PHTF1: variants seen among roughly 807,000 people sequenced by gnomAD.
PHTF1 encodes putative homeodomain transcription factor 1.
Under a neutral mutation model 102.4 loss-of-function variants are expected in PHTF1, and 88 were observed. The ratio of observed to expected loss-of-function variants is 0.86; its 90% CI spans 0.72 to 1.03. The LOEUF (loss-of-function observed/expected upper bound fraction) is 1.03. Ranked by LOEUF, PHTF1 falls within the 50% of genes least tolerant of loss-of-function variation. PHTF1 has a pLI of 0.00. For missense variants in PHTF1, 814 were observed against 909.5 expected (o/e 0.89, Z 1.35); for synonymous variants, 289 against 305.2 (o/e 0.95, Z 0.55).
intron 7 of PHTF1, among the ~76,000 whole-genome samples, chr1:113,721,523 G>A (rs1180626936): frequency 6.6e-6 from 1 of 152,104 alleles, no homozygotes; most frequent in East Asian, 1.9e-4. Context: ...TCAGACAAGA[G>A]ACAGAAATGA....
intron 3 of PHTF1, among the ~76,000 whole-genome samples, chr1:113,748,888 T>C (rs891475549): frequency 6.6e-6 from 1 of 152,210 alleles, no homozygotes; most frequent in Non-Finnish European, 1.5e-5. Flanking sequence ...TTCTAATCTA[T>C]AGTCTATTTT....
chr1:113,740,770 C>T (rs1360088760), intron 3 of PHTF1, among the ~76,000 whole-genome samples: 1 of 152,148 alleles, frequency 6.6e-6, no homozygotes, highest in Non-Finnish European at 1.5e-5. Context: ...TGGCTCACCC[C>T]TATAATCCCA....
intron 7 of PHTF1, chr1:113,714,793 C>G (rs866475995): frequency 6.6e-6 from 1 of 152,334 alleles, no homozygotes; most frequent in African/African-American, 2.4e-5. Flanking sequence ...GGTAGACAGG[C>G]AAGTGGTCAC....
At chr1:113,754,147 A>C (rs1403415606) in intron 3 of PHTF1, among the ~76,000 whole-genome samples, 1 of 152,202 alleles carries the variant, frequency 6.6e-6, no homozygotes, top group Non-Finnish European at 1.5e-5. Flanking sequence ...AGAGCGTCTC[A>C]TGCCTATAAT....
chr1:113,701,187 CAAATA>C (rs1241265043), intron 15 of PHTF1, among the ~76,000 whole-genome samples: 2 of 152,204 alleles, frequency 1.3e-5, no homozygotes, highest in Admixed American at 1.3e-4. Flanking sequence ...GAAAATACCA[CAAATA>C]AAATAAGACA....
At chr1:113,742,169 C>G (rs183297432) in intron 3 of PHTF1, among the ~76,000 whole-genome samples, 69 of 152,282 alleles carry the variant, frequency 4.5e-4, no homozygotes, top group African/African-American at 1.6e-3. Flanking sequence ...CGTAGTCACA[C>G]AAATCTTGAT....
At chr1:113,757,609 T>C in intron 3 of PHTF1, 90 bp downstream of exon 3, 1 of 809,120 alleles carries the variant, frequency 1.2e-6, no homozygotes, top group East Asian at 2.5e-5. Context: ...GCCATACTGG[T>C]AGTTAAATGC....
intron 5 of PHTF1, among the ~76,000 whole-genome samples, chr1:113,731,004 C>T (rs957350608): frequency 1.3e-5 from 2 of 151,880 alleles, no homozygotes; most frequent in Non-Finnish European, 2.9e-5. Flanking sequence ...TTGCCAGGGA[C>T]GATGGGTAGG....
In PHTF1 at chr1:113,738,762, T is replaced by A; in HGVS notation, c.140A>T (p.Lys47Met). The A allele has an allele frequency of 6.2e-7, 1 of 1,605,126 alleles. No homozygotes were observed. The highest frequency in any genetic ancestry group is 8.5e-7 in the Non-Finnish European group (1 of 1,175,478). ...TAAGTCAACGTCAATCAAGTCTGGC[T>A]TTATGTGGCCCATCTTTTTCGGTTT... Reference protein sequence around the residue: ...KNKPKKMGHIKPDLIDVDLIR... With the variant: ...KNKPKKMGHIMPDLIDVDLIR... Residue 47 changes from lysine (K) to methionine (M), a missense_variant, in exon 4 of 19, where the codon AAG becomes ATG. Physicochemically the swap from Lys to Met is moderately conservative, Grantham distance 95. Transcript: ENST00000369604.
chr1:113,734,760 G>A (rs1655218257), intron 5 of PHTF1, among the ~76,000 whole-genome samples: 1 of 152,166 alleles, frequency 6.6e-6, no homozygotes, highest in South Asian at 2.1e-4. Context: ...CATATAACCA[G>A]TTGGTTATAG....
intron 11 of PHTF1, among the ~76,000 whole-genome samples, chr1:113,707,583 G>C (rs1650401589): frequency 1.3e-5 from 2 of 152,108 alleles, no homozygotes; most frequent in South Asian, 4.1e-4. Context: ...TCTAGAAAAG[G>C]ACCATCTGGC....
intron 7 of PHTF1, among the ~76,000 whole-genome samples, chr1:113,724,421 C>G (rs901924249): frequency 6.6e-6 from 1 of 151,884 alleles, no homozygotes; most frequent in Admixed American, 6.6e-5. Flanking sequence ...CACCTGTCAT[C>G]CCAGCTATTC....
At chr1:113,715,682 C>CAAAAAAAA (rs1553226392) in intron 7 of PHTF1, among the ~76,000 whole-genome samples, 5 of 54,226 alleles carry the variant, frequency 9.2e-5, no homozygotes, top group Non-Finnish European at 1.3e-4. Context: ...AAAAAAAAAG[C>CAAAAAAAA]TATTTTGAGG....
chr1:113,737,817 C>A (rs759301604), intron 5 of PHTF1, among the ~76,000 whole-genome samples: 2 of 152,050 alleles, frequency 1.3e-5, no homozygotes, highest in Non-Finnish European at 2.9e-5. Flanking sequence ...AAACAAAAAA[C>A]ACACATACCC....
intron 5 of PHTF1, among the ~76,000 whole-genome samples, chr1:113,727,474 G>A (rs979822861): frequency 6.6e-6 from 1 of 152,152 alleles, no homozygotes; most frequent in East Asian, 1.9e-4. Context: ...ATATTTGTTG[G>A]ATAAATGATT....
intron 3 of PHTF1, among the ~76,000 whole-genome samples, chr1:113,742,968 TTTGTTG>T (rs913391035): frequency 2.6e-5 from 4 of 151,648 alleles, no homozygotes; most frequent in African/African-American, 7.3e-5. Context: ...CAAGGAGTTT[TTTGTTG>T]TTGTTGTTGT....
rs753343957 is a variant in PHTF1, at chr1:113,700,908, G to T, written c.1932C>A (p.Asn644Lys). Residue 644 changes from asparagine (N) to lysine (K), a missense_variant, in exon 16 of 19, where the codon AAC becomes AAA. Coordinates refer to ENST00000369604, the MANE Select transcript of PHTF1 (RefSeq NM_001323043.2). ...CTGTTTCCCAGATCAAAAACTCCCA[G>T]TTATAAGCATCATTCAGGAAAGTTT... is the stretch of plus-strand genomic sequence containing the variant. ...GHKTFLNDAYNWEFLIWETAL... is the reference protein window; with the variant it reads ...GHKTFLNDAYKWEFLIWETAL... The T allele has an allele frequency of 6.2e-7, 1 of 1,612,494 alleles. No individual in the cohort carries two copies. Among genetic ancestry groups the T allele is most frequent in the East Asian group, 2.2e-5 (1 of 44,842 alleles).
intron 7 of PHTF1, among the ~76,000 whole-genome samples, chr1:113,723,829 G>A (rs1434281848): frequency 6.6e-6 from 1 of 152,080 alleles, no homozygotes; most frequent in African/African-American, 2.4e-5. Context: ...TCAACCAAGT[G>A]AAAATACAAC....
intron 3 of PHTF1, among the ~76,000 whole-genome samples, chr1:113,741,165 A>C (rs569854872): frequency 6.6e-6 from 1 of 152,372 alleles, no homozygotes; most frequent in East Asian, 1.9e-4. Flanking sequence ...TATTACAGAC[A>C]TTGAACCAGT....
Sources: gnomAD v4.1 joint callset for allele counts (sites outside exome capture counted in the v4.1 genomes callset) on GRCh38, gnomAD v4.1.1 for gene constraint, MANE v1.5 for transcripts, NCBI Gene and HGNC (gene_info 2026-07-23, HGNC 2026-07-21) for gene names.